Variants in FBXL7 observed in about 807,000 individuals in gnomAD.
FBXL7 encodes F-box/LRR-repeat protein 7.
Under a neutral mutation model 38.3 loss-of-function variants are expected in FBXL7, and 12 were observed. The observed-to-expected ratio is 0.31, with a 90% CI of 0.20 to 0.51. The LOEUF (loss-of-function observed/expected upper bound fraction) is 0.51. Ranked by LOEUF, FBXL7 falls within the 20% of genes least tolerant of loss-of-function variation. The pLI is 0.98. For synonymous variants in FBXL7, 297 were observed against 300.9 expected (o/e 0.99, Z 0.13); for missense variants, 567 against 676.4 (o/e 0.84, Z 1.79).
chr5:15,562,048 G>A (rs754986041), intron 1 of FBXL7, among the ~76,000 whole-genome samples: 4 of 151,938 alleles, frequency 2.6e-5, no homozygotes, highest in Non-Finnish European at 5.9e-5. Flanking sequence ...TTCAATAAAT[G>A]GTACAGGGAA....
intron 1 of FBXL7, among the ~76,000 whole-genome samples, chr5:15,542,925 C>T (rs1219423159): frequency 6.6e-6 from 1 of 152,066 alleles, no homozygotes; most frequent in African/African-American, 2.4e-5. Flanking sequence ...GAACTAAAAG[C>T]AGGTTGGGGA....
At chr5:15,790,767 C>T (rs538426217) in intron 2 of FBXL7, among the ~76,000 whole-genome samples, 1 of 152,228 alleles carries the variant, frequency 6.6e-6, no homozygotes, top group Admixed American at 6.5e-5. Context: ...GTCTTTAAGA[C>T]ACAAAAGTCA....
chr5:15,728,124 G>A (rs905154096), intron 2 of FBXL7, among the ~76,000 whole-genome samples: 1 of 151,760 alleles, frequency 6.6e-6, no homozygotes, highest in African/African-American at 2.4e-5. Flanking sequence ...ATCACTCTTT[G>A]GAATTTCTCC....
At chr5:15,638,668 C>A (rs962531953) in intron 2 of FBXL7, among the ~76,000 whole-genome samples, 2 of 152,002 alleles carry the variant, frequency 1.3e-5, no homozygotes, top group African/African-American at 2.4e-5. Flanking sequence ...ACTTTATCCC[C>A]AGAGCAATAA....
intron 2 of FBXL7, among the ~76,000 whole-genome samples, chr5:15,926,608 T>G (rs531065192): frequency 5.9e-5 from 9 of 152,202 alleles, no homozygotes; most frequent in African/African-American, 2.2e-4. Flanking sequence ...GAAGTGGCAT[T>G]CTAAAGAATT....
chr5:15,631,810 G>C (rs868695419), intron 2 of FBXL7, among the ~76,000 whole-genome samples: 1 of 151,822 alleles, frequency 6.6e-6, no homozygotes. Flanking sequence ...GGATAGGGGA[G>C]AGAAAACTTT....
intron 2 of FBXL7, among the ~76,000 whole-genome samples, chr5:15,896,654 T>A (rs1741110885): frequency 6.6e-6 from 1 of 152,100 alleles, no homozygotes; most frequent in Non-Finnish European, 1.5e-5. Context: ...GATGGGTTAC[T>A]CAGGCATCTG....
At chr5:15,846,072 T>C (rs1466223250) in intron 2 of FBXL7, among the ~76,000 whole-genome samples, 1 of 152,268 alleles carries the variant, frequency 6.6e-6, no homozygotes, top group Non-Finnish European at 1.5e-5. Flanking sequence ...TGTGGATATA[T>C]CTTGGCATGT....
chr5:15,923,678 C>A (rs1741803963), intron 2 of FBXL7, among the ~76,000 whole-genome samples: 1 of 152,014 alleles, frequency 6.6e-6, no homozygotes, highest in African/African-American at 2.4e-5. Flanking sequence ...TTAATTGAGA[C>A]AAATTGTTAA....
chr5:15,805,299 T>G (rs1334111716), intron 2 of FBXL7, among the ~76,000 whole-genome samples: 1 of 152,170 alleles, frequency 6.6e-6, no homozygotes, highest in African/African-American at 2.4e-5. Context: ...AAGGGTGTTG[T>G]GCTGGATTCC....
At chr5:15,642,687 A>G (rs1741406385) in intron 2 of FBXL7, among the ~76,000 whole-genome samples, 1 of 152,108 alleles carries the variant, frequency 6.6e-6, no homozygotes, top group East Asian at 1.9e-4. Flanking sequence ...CTTAGATAGG[A>G]GACAGACCTA....
intron 2 of FBXL7, among the ~76,000 whole-genome samples, chr5:15,787,449 A>C (rs1255791946): frequency 6.6e-6 from 1 of 152,202 alleles, no homozygotes; most frequent in Non-Finnish European, 1.5e-5. Flanking sequence ...AGGAGATTTC[A>C]GGGAGGTCAG....
intron 2 of FBXL7, among the ~76,000 whole-genome samples, chr5:15,900,310 G>A (rs1338873978): frequency 6.6e-6 from 1 of 152,120 alleles, no homozygotes; most frequent in Non-Finnish European, 1.5e-5. Flanking sequence ...AATACTAAGT[G>A]TAATCTTTTC....
Position 15,713,914 on chromosome 5 carries a change from G to A in FBXL7, c.127+97842G>A, listed in dbSNP as rs182752561. Among the ~76,000 whole-genome samples the A allele has an allele frequency of 2.6e-4, 39 of 152,240 alleles. No individual in the cohort carries two copies. The East Asian group carries it at 6.8e-3, about 26-fold the overall frequency. On this transcript the variant is annotated intron_variant, in intron 2 of 3. Coordinates refer to ENST00000504595, the MANE Select transcript of FBXL7 (RefSeq NM_012304.5). ...ATTTTGTTCTTTAAATACCTACACT[G>A]TCCTTGGGAAACAAATTATTTAACA... is the stretch of plus-strand genomic sequence containing the variant.
chr5:15,905,120 A>C (rs1741324641), intron 2 of FBXL7, among the ~76,000 whole-genome samples: 1 of 152,228 alleles, frequency 6.6e-6, no homozygotes, highest in Non-Finnish European at 1.5e-5. Flanking sequence ...CAAAAGAGCC[A>C]ACTTGGCCAT....
intron 2 of FBXL7, among the ~76,000 whole-genome samples, chr5:15,841,122 C>T (rs1187749059): frequency 6.6e-6 from 1 of 151,976 alleles, no homozygotes; most frequent in Non-Finnish European, 1.5e-5. Context: ...GTTAGTATAA[C>T]TTTGCTCTTT....
chr5:15,689,983 T>C (rs1489950193), intron 2 of FBXL7, among the ~76,000 whole-genome samples: 1 of 152,200 alleles, frequency 6.6e-6, no homozygotes, highest in Non-Finnish European at 1.5e-5. Flanking sequence ...ACCCCAAGTA[T>C]AACAACCAAA....
At chr5:15,653,950 T>G (rs6869226) in intron 2 of FBXL7, among the ~76,000 whole-genome samples, 54,308 of 151,966 alleles carry the variant, frequency 0.36, 9,921 homozygotes, top group East Asian at 0.5. Context: ...ACAGAAACTT[T>G]CCCATTTACT....
At chr5:15,695,182 A>C (rs1000522691) in intron 2 of FBXL7, among the ~76,000 whole-genome samples, 1 of 152,174 alleles carries the variant, frequency 6.6e-6, no homozygotes, top group Middle Eastern at 3.4e-3. Flanking sequence ...GAACTTTGCA[A>C]ATGACTTCAG....
Sources: gnomAD v4.1 joint callset for allele counts (sites outside exome capture counted in the v4.1 genomes callset) on GRCh38, gnomAD v4.1.1 for gene constraint, MANE v1.5 for transcripts, NCBI Gene and HGNC (gene_info 2026-07-23, HGNC 2026-07-21) for gene names.